The following NAALADL2 variants were observed in gnomAD, a reference collection of about 807,000 sequenced individuals.
NAALADL2 encodes the protein N-acetylated alpha-linked acidic dipeptidase like 2.
NAALADL2 carries 76 observed loss-of-function variants against 87.2 expected under a neutral mutation model. The ratio of observed to expected loss-of-function variants is 0.87; its 90% confidence interval spans 0.72 to 1.05. NAALADL2 has a LOEUF of 1.05. NAALADL2 is among the 50% of genes least tolerant of loss of function. NAALADL2 has a pLI of 0.00. For missense variants in NAALADL2, 1,089 were observed against 945.8 expected (o/e 1.15, Z -1.99); for synonymous variants, 354 against 331.0 (o/e 1.07, Z -0.75).
At chr3:174,990,269 C>G (rs929290943) in intron 1 of NAALADL2, among the ~76,000 whole-genome samples, 1 of 152,112 alleles carries the variant, frequency 6.6e-6, no homozygotes, top group Non-Finnish European at 1.5e-5. Context: ...GCTGTTTTAT[C>G]TGATCATGTT....
At chr3:175,116,838 A>C (rs183458902) in intron 2 of NAALADL2, among the ~76,000 whole-genome samples, 1 of 152,254 alleles carries the variant, frequency 6.6e-6, no homozygotes, top group African/African-American at 2.4e-5. Flanking sequence ...AGCTGGAGGC[A>C]TCACACTACC....
intron 3 of NAALADL2, among the ~76,000 whole-genome samples, chr3:174,839,924 A>G (rs1156534999): frequency 2.6e-5 from 4 of 152,172 alleles, no homozygotes; most frequent in Non-Finnish European, 4.4e-5. Context: ...TAGTACAATT[A>G]CTATGGAAAA....
chr3:175,167,895 T>A (rs1468947948), intron 2 of NAALADL2, among the ~76,000 whole-genome samples: 1 of 151,992 alleles, frequency 6.6e-6, no homozygotes, highest in East Asian at 1.9e-4. Context: ...TACTGGAAAT[T>A]AGATATATAT....
At chr3:175,533,449 C>G (rs1734372072) in intron 9 of NAALADL2, among the ~76,000 whole-genome samples, 1 of 152,140 alleles carries the variant, frequency 6.6e-6, no homozygotes, top group Non-Finnish European at 1.5e-5. Flanking sequence ...ATCACTGTTG[C>G]CTCAGGCAGC....
At chr3:175,464,469 A>C (rs528331717) in intron 7 of NAALADL2, among the ~76,000 whole-genome samples, 8 of 152,226 alleles carry the variant, frequency 5.3e-5, no homozygotes, top group African/African-American at 1.9e-4. Flanking sequence ...ATGTAGGCTA[A>C]TTAAGAGATT....
At chr3:175,092,758 G>A (rs75490820) in intron 1 of NAALADL2, among the ~76,000 whole-genome samples, 7,415 of 151,792 alleles carry the variant, frequency 0.049, 269 homozygotes, top group Non-Finnish European at 0.082. Flanking sequence ...TTATAATAGA[G>A]GGTTAAGTGT....
intron 1 of NAALADL2, among the ~76,000 whole-genome samples, chr3:175,011,336 T>C (rs570790465): frequency 6.6e-6 from 1 of 150,652 alleles, no homozygotes; most frequent in African/African-American, 2.4e-5. Flanking sequence ...TTCTGATTAT[T>C]CCAAGTTTTG....
At chr3:175,451,524 A>AT (rs1411525927) in intron 6 of NAALADL2, among the ~76,000 whole-genome samples, 1 of 152,132 alleles carries the variant, frequency 6.6e-6, no homozygotes, top group African/African-American at 2.4e-5. Context: ...GGAAAGCTTA[A>AT]TTTTCACATA....
chr3:174,903,952 AATATCTATATCTATATCT>A (rs143384708), intron 1 of NAALADL2, among the ~76,000 whole-genome samples: 1,761 of 150,490 alleles, frequency 0.012, 45 homozygotes, highest in African/African-American at 0.041. Context: ...GCCAGAAAGG[AATATCTATATCTATATCT>A]ATATCTATAT....
At chr3:174,650,915 G>T (rs1484899975) in intron 2 of NAALADL2, among the ~76,000 whole-genome samples, 1 of 151,894 alleles carries the variant, frequency 6.6e-6, no homozygotes, top group Non-Finnish European at 1.5e-5. Flanking sequence ...ATAATTTATT[G>T]CATTTAGCCT....
At chr3:175,564,454 T>C (rs1159370318) in intron 9 of NAALADL2, among the ~76,000 whole-genome samples, 2 of 152,180 alleles carry the variant, frequency 1.3e-5, no homozygotes, top group Admixed American at 1.3e-4. Flanking sequence ...ACCAGTTAGA[T>C]TTTTCAGTTA....
At chr3:175,541,306 C>G (rs1179076473) in intron 9 of NAALADL2, among the ~76,000 whole-genome samples, 1 of 152,120 alleles carries the variant, frequency 6.6e-6, no homozygotes, top group Non-Finnish European at 1.5e-5. Context: ...GAGTTATGTC[C>G]TAATAAACCC....
intron 13 of NAALADL2, 135 bp downstream of exon 13, chr3:175,755,553 T>A (rs984130542): frequency 1.6e-5 from 9 of 548,938 alleles, no homozygotes; most frequent in Non-Finnish European, 1.4e-5. Context: ...TTTGAGGAAC[T>A]TCCCCCTCCC....
At chr3:175,445,724 G>T (rs1720581820) in intron 5 of NAALADL2, among the ~76,000 whole-genome samples, 1 of 151,804 alleles carries the variant, frequency 6.6e-6, no homozygotes, top group Non-Finnish European at 1.5e-5. Flanking sequence ...ATTTCTTCTT[G>T]CACAACTTTT....
chr3:175,377,209 G>C (rs1359165024), intron 5 of NAALADL2, among the ~76,000 whole-genome samples: 1 of 152,088 alleles, frequency 6.6e-6, no homozygotes, highest in Admixed American at 6.6e-5. Context: ...CTACTTGGGA[G>C]GCTAAGGCTC....
chr3:175,590,344 T>TA (rs1384300806), intron 10 of NAALADL2, among the ~76,000 whole-genome samples: 1 of 151,180 alleles, frequency 6.6e-6, no homozygotes, highest in Non-Finnish European at 1.5e-5. Flanking sequence ...TTGAATTTTT[T>TA]TTTTTTTTTG....
intron 9 of NAALADL2, among the ~76,000 whole-genome samples, chr3:175,547,397 CA>C (rs1328633767): frequency 8.5e-5 from 13 of 152,132 alleles, no homozygotes; most frequent in African/African-American, 2.9e-4. Flanking sequence ...TTACCATATA[CA>C]AAAATTAAGC....
chr3:175,090,162 A>G (rs1267167833), intron 1 of NAALADL2, among the ~76,000 whole-genome samples: 1 of 152,100 alleles, frequency 6.6e-6, no homozygotes, highest in East Asian at 1.9e-4. Flanking sequence ...GGACCAAGAA[A>G]AAAGGAGCCC....
intron 5 of NAALADL2, among the ~76,000 whole-genome samples, chr3:175,384,758 A>G (rs1054084796): frequency 5.3e-5 from 8 of 150,716 alleles, no homozygotes; most frequent in African/African-American, 1.9e-4. Context: ...TGTTTTATTT[A>G]TTTATTTATT....
Sources: allele counts gnomAD v4.1 joint callset (sites outside exome capture counted in the v4.1 genomes callset), GRCh38; gene constraint gnomAD v4.1.1; transcripts MANE v1.5; gene names NCBI Gene and HGNC (gene_info 2026-07-23, HGNC 2026-07-21).